Variants in IQCJ observed in about 807,000 individuals in gnomAD.
IQCJ encodes IQ domain-containing protein J.
A neutral mutation model predicts 11.0 loss-of-function variants in IQCJ; 9 were observed. The observed-to-expected ratio is 0.82, with a 90% confidence interval of 0.49 to 1.43. The LOEUF is 1.43. IQCJ is among the 40% of genes most tolerant of loss of function. The pLI is 0.00. For synonymous variants in IQCJ, 55 were observed against 51.3 expected (o/e 1.07, Z -0.31); for missense variants, 146 against 133.2 (o/e 1.10, Z -0.47).
At chr3:159,155,011 A>G (rs1721436990) in intron 1 of IQCJ, among the ~76,000 whole-genome samples, 1 of 151,720 alleles carries the variant, frequency 6.6e-6, no homozygotes, top group African/African-American at 2.4e-5. Flanking sequence ...CCCCATTTCT[A>G]TCTTTCTTCC....
intron 1 of IQCJ, among the ~76,000 whole-genome samples, chr3:159,153,904 C>T (rs1435039773): frequency 1.3e-5 from 2 of 152,182 alleles, no homozygotes; most frequent in African/African-American, 4.8e-5. Context: ...TCAGTTCCCA[C>T]AGAAGACTGG....
At chr3:159,201,003 C>G (rs186113675) in intron 1 of IQCJ, among the ~76,000 whole-genome samples, 13 of 142,532 alleles carry the variant, frequency 9.1e-5, no homozygotes, top group Admixed American at 6.2e-4. Flanking sequence ...ATTTGTAGAA[C>G]TGAGCCTGGA....
chr3:159,252,350 A>G (rs554853326), intron 2 of IQCJ, among the ~76,000 whole-genome samples: 1 of 152,192 alleles, frequency 6.6e-6, no homozygotes. Flanking sequence ...ACTACTGGGG[A>G]TGAGTAAGGT....
At chr3:159,111,334 A>C (rs1718617871) in intron 1 of IQCJ, among the ~76,000 whole-genome samples, 1 of 152,200 alleles carries the variant, frequency 6.6e-6, no homozygotes. Context: ...TATCATATTG[A>C]ACATACTTGT....
chr3:159,088,065 A>C (rs1201536345), intron 1 of IQCJ, among the ~76,000 whole-genome samples: 3 of 151,700 alleles, frequency 2.0e-5, no homozygotes, highest in Admixed American at 6.6e-5. Flanking sequence ...TAATGCTATA[A>C]ATTTCCCTCT....
rs190478452 is a variant in IQCJ, at chr3:159,171,609, T to A, written c.10-74234T>A. On this transcript the variant is annotated intron_variant, in intron 1 of 3. Coordinates refer to ENST00000397832, the MANE Select transcript of IQCJ (RefSeq NM_001042706.3). ...CATTAGAATCACCAGAGGAGACCTT[T>A]AAAAAAATACTGATACCTTTGTTGC... 1.2e-3 allele frequency among the ~76,000 whole-genome samples: 187 copies of A among 152,264 alleles called. 1 individual carries two copies. The highest frequency in any genetic ancestry group is 4.4e-3 in the African/African-American group (184 of 41,558).
chr3:159,092,814 G>A (rs1459565576), intron 1 of IQCJ, among the ~76,000 whole-genome samples: 1 of 149,950 alleles, frequency 6.7e-6, no homozygotes, highest in Non-Finnish European at 1.5e-5. Flanking sequence ...TTTTTAGCCA[G>A]TATAGTATAT....
rs550627415 is a variant in IQCJ, at chr3:159,204,398, G to A, written c.10-41445G>A. On this transcript the variant is annotated intron_variant, in intron 1 of 3. Coordinates refer to ENST00000397832, the MANE Select transcript of IQCJ (RefSeq NM_001042706.3). Reference sequence around the variant, plus strand: ...CCTGCTGAGGCTGGAATATTTAGGGGACTTCTTCTCTCATGTCTGGCACCT... The same window carrying A: ...CCTGCTGAGGCTGGAATATTTAGGGAACTTCTTCTCTCATGTCTGGCACCT... 1.5e-4 allele frequency among the ~76,000 whole-genome samples: 23 copies of A among 152,314 alleles called. No homozygotes were observed. The South Asian group carries it at 4.1e-3, about 27-fold the overall frequency.
chr3:159,073,550 A>G (rs893660370), intron 1 of IQCJ, among the ~76,000 whole-genome samples: 1 of 152,032 alleles, frequency 6.6e-6, no homozygotes, highest in African/African-American at 2.4e-5. Context: ...CTCCCATTCA[A>G]CACACTTAGA....
chr3:159,261,580 C>T (rs878893331), intron 3 of IQCJ, among the ~76,000 whole-genome samples: 3 of 152,172 alleles, frequency 2.0e-5, no homozygotes, highest in Non-Finnish European at 4.4e-5. Context: ...AGAAGAGGTG[C>T]CTTCTGCCAT....
chr3:159,262,683 C>T lies in IQCJ; in HGVS notation c.291C>T (p.Pro97=), dbSNP rs1218255075. 6.2e-6 allele frequency: 10 copies of T among 1,613,754 alleles called. No homozygotes were observed. The highest frequency in any genetic ancestry group is 1.3e-5 in the African/African-American group (1 of 74,912). ...SMNTFSDSST[P]VSVMFLFLCP... is the part of the protein sequence containing the mutation. ...ACACCTTCTCCGACAGCAGCACACC[C>T]GTGAGTGTCATGTTTCTTTTTCTAT... Residue 97 remains proline, a synonymous_variant, in exon 4 of 4, where the codon CCC becomes CCT. Transcript: ENST00000397832.
rs952075505 is a variant in IQCJ at position 159,105,385 on chromosome 3, G to A, written c.9+35944G>A. Among the ~76,000 whole-genome samples, 10 of 152,068 alleles carry A rather than the reference G, an allele frequency of 6.6e-5. 1 individual carries two copies. Among genetic ancestry groups the A allele is most frequent in the Admixed American group, 5.9e-4 (9 of 15,248 alleles). ...CTCTTCTGGAGCTGTAGGCTGACGG[G>A]GAAGATAACAGACTAATTCATTAAG... is the stretch of plus-strand genomic sequence containing the variant. On this transcript the variant is annotated intron_variant, in intron 1 of 3. Coordinates refer to ENST00000397832, the MANE Select transcript of IQCJ (RefSeq NM_001042706.3).
intron 1 of IQCJ, among the ~76,000 whole-genome samples, chr3:159,157,513 T>C (rs977983343): frequency 9.2e-5 from 14 of 152,324 alleles, no homozygotes; most frequent in African/African-American, 3.1e-4. Flanking sequence ...AGTGAACTCA[T>C]TGTAGCCTAC....
At chr3:159,072,582 C>T (rs771808506) in intron 1 of IQCJ, among the ~76,000 whole-genome samples, 27 of 152,030 alleles carry the variant, frequency 1.8e-4, no homozygotes, top group Non-Finnish European at 5.9e-5. Context: ...AACATTTCTC[C>T]TATTTTGTTA....
chr3:159,193,417 G>A (rs1471504848), intron 1 of IQCJ, among the ~76,000 whole-genome samples: 1 of 152,182 alleles, frequency 6.6e-6, no homozygotes, highest in East Asian at 1.9e-4. Flanking sequence ...AGCAGCTTCT[G>A]GGATGTTTGA....
At chr3:159,185,900 C>T (rs1345663488) in intron 1 of IQCJ, among the ~76,000 whole-genome samples, 13 of 152,332 alleles carry the variant, frequency 8.5e-5, no homozygotes, top group African/African-American at 2.9e-4. Context: ...CACAGACTCT[C>T]ACTTCTGCTA....
intron 1 of IQCJ, among the ~76,000 whole-genome samples, chr3:159,134,027 T>C (rs1720147813): frequency 7.3e-6 from 1 of 137,310 alleles, no homozygotes; most frequent in Non-Finnish European, 1.7e-5. Flanking sequence ...GGCAGAATTA[T>C]TTTTCTTGCA....
chr3:159,125,954 CA>C (rs1719657562), intron 1 of IQCJ, among the ~76,000 whole-genome samples: 1 of 152,204 alleles, frequency 6.6e-6, no homozygotes, highest in Non-Finnish European at 1.5e-5. Flanking sequence ...TCCCTACACT[CA>C]AACTTGGGCT....
At chr3:159,212,880 T>C (rs1238922492) in intron 1 of IQCJ, among the ~76,000 whole-genome samples, 1 of 152,258 alleles carries the variant, frequency 6.6e-6, no homozygotes, top group Non-Finnish European at 1.5e-5. Context: ...CCTCAGTATA[T>C]GACTAGACTG....
Sources: gnomAD v4.1 joint callset for allele counts (sites outside exome capture counted in the v4.1 genomes callset) on GRCh38, gnomAD v4.1.1 for gene constraint, MANE v1.5 for transcripts, NCBI Gene and HGNC (gene_info 2026-07-23, HGNC 2026-07-21) for gene names.